Variants in GARS1 observed in about 807,000 individuals in gnomAD.
GARS1 encodes glycyl-tRNA synthetase 1.
Under a neutral mutation model 86.4 loss-of-function variants are expected in GARS1, and 46 were observed. That is an observed-to-expected ratio of 0.53 (90% CI 0.42 to 0.68). GARS1 has a LOEUF of 0.68. GARS1 is among the 30% of genes least tolerant of loss of function. The probability of loss-of-function intolerance (pLI) is 0.00; values close to 1 mark genes in which losing one functional copy is unlikely to be tolerated. For missense variants in GARS1, 797 were observed against 915.6 expected, an observed-to-expected ratio of 0.87 and a Z score of 1.67; for synonymous variants, 342 against 329.8, an observed-to-expected ratio of 1.04 and a Z score of -0.40.
rs930570579 is a variant in GARS1, at chr7:30,633,920, A to G, written c.*60A>G. 3.8e-6 allele frequency: 6 copies of G among 1,564,752 alleles called. No individual in the cohort carries two copies. In the Admixed American group the frequency reaches 1.1e-4, roughly 28 times the overall value. Reference sequence around the variant, plus strand: ...ATAAAAAAAAAAAAAAACTACTCTTATGTCCACTTTACAAAAGAAAACAGC... The same window carrying G: ...ATAAAAAAAAAAAAAAACTACTCTTGTGTCCACTTTACAAAAGAAAACAGC... On this transcript the variant is annotated 3_prime_UTR_variant, in exon 17 of 17. Transcript: ENST00000389266.
In GARS1 at chr7:30,617,416, A is replaced by G. The variant is rs76563658; in HGVS notation, c.1359+138A>G. 9.0e-3 allele frequency: 9,337 copies of G among 1,041,730 alleles called. 56 individuals carry two copies. The highest frequency in any genetic ancestry group is 0.019 in the Middle Eastern group (75 of 4,034). 64.5% of individuals were successfully genotyped at this position (1,041,730 alleles called of 1,614,324 possible). Reference sequence around the variant, plus strand: ...AGATCTTTTCCTGAGCAAAACAGAAAAAGCAGTTGCCTCCTGCCTTTTTAT... The same window carrying G: ...AGATCTTTTCCTGAGCAAAACAGAAGAAGCAGTTGCCTCCTGCCTTTTTAT... On this transcript the variant is annotated intron_variant, in intron 10 of 16. Transcript: ENST00000389266.
At chr7:30,606,099 C>T (rs528163613) in intron 6 of GARS1, among the ~76,000 whole-genome samples, 3 of 152,122 alleles carry the variant, frequency 2.0e-5, no homozygotes, top group South Asian at 2.1e-4. Context: ...AGTGAGGTTA[C>T]ACATGTTCAT....
At chr7:30,622,597 CT>C (rs1438602576) in intron 12 of GARS1, 135 bp downstream of exon 12, 3 of 1,040,936 alleles carry the variant, frequency 2.9e-6, no homozygotes, top group Non-Finnish European at 4.4e-6. Context: ...AAAAGACTGT[CT>C]TTGCCGAGAT....
chr7:30,627,713 C>G (rs1347586201), intron 13 of GARS1, among the ~76,000 whole-genome samples: 2 of 152,220 alleles, frequency 1.3e-5, no homozygotes, highest in Admixed American at 6.5e-5. Flanking sequence ...GTCCTGACCC[C>G]AGAACCTTGG....
At chr7:30,598,931 T>G in intron 2 of GARS1, 34 bp downstream of exon 2, 1 of 1,493,042 alleles carries the variant, frequency 6.7e-7, no homozygotes, top group Non-Finnish European at 9.3e-7. Flanking sequence ...GGAACATAAG[T>G]AGGTATAGGA....
chr7:30,626,283 A>T lies in GARS1; in HGVS notation c.1663A>T (p.Met555Leu), dbSNP rs1023871853. The change falls in exon 13 of 17, where the codon ATG (methionine) becomes TTG (leucine). Residue 555 changes from methionine (M) to leucine (L), a missense_variant. Around this residue, in one of 2 missense-constraint regions of GARS1, gnomAD observed 598 missense variants for 738.7 expected, o/e 0.81. Transcript: ENST00000389266. ...EGKTFQLTKD[M>L]INVKRFQKTL... is the part of the protein sequence containing the mutation. ...GAAAACATTTCAGTTAACAAAAGAC[A>T]TGATCAATGTGAAGAGATTCCAGAA... The T allele has an allele frequency of 6.2e-7, 1 of 1,606,904 alleles. No individual in the cohort carries two copies. The highest frequency in any genetic ancestry group is 2.2e-5 in the East Asian group (1 of 44,810).
At chr7:30,628,432 ACCTCAG>A (rs1783169001) in intron 13 of GARS1, 122 bp from the exon 14 acceptor site, 8 of 661,258 alleles carry the variant, frequency 1.2e-5, no homozygotes, top group Non-Finnish European at 2.3e-5. Context: ...TGATCCACCT[ACCTCAG>A]CCTCCCAAAA....
chr7:30,604,029 G>C (rs1417449043), intron 6 of GARS1, among the ~76,000 whole-genome samples: 1 of 152,016 alleles, frequency 6.6e-6, no homozygotes, highest in Non-Finnish European at 1.5e-5. Context: ...GCTTTTCTCA[G>C]TTTGCCTATA....
chr7:30,623,328 C>T (rs1037615211), intron 12 of GARS1, among the ~76,000 whole-genome samples: 7 of 152,168 alleles, frequency 4.6e-5, no homozygotes, highest in African/African-American at 9.6e-5. Context: ...TATAAATATG[C>T]TTCATGTACT....
intron 9 of GARS1, 44 bp from the exon 10 acceptor site, chr7:30,617,070 G>T: frequency 3.8e-6 from 6 of 1,599,070 alleles, no homozygotes; most frequent in Non-Finnish European, 5.1e-6. Flanking sequence ...GTATTAATGT[G>T]TGTTTTCTTT....
Position 30,603,067 on chromosome 7 carries a change from C to G in GARS1, c.603C>G (p.Phe201Leu). The G allele has an allele frequency of 6.2e-7, 1 of 1,613,868 alleles. No individual in the cohort carries two copies. Among genetic ancestry groups the G allele is most frequent in the South Asian group, 1.1e-5 (1 of 91,086 alleles). Residue 201 changes from phenylalanine to leucine, a missense_variant, in exon 5 of 17, where the codon TTC becomes TTG. This residue lies in a region of GARS1 where 598 missense variants were observed against 738.7 expected (regional missense o/e 0.81). Transcript: ENST00000389266. ...GCCATGTAGACAAATTTGCTGACTT[C>G]ATGGTGAAAGACGTAAAAAATGGAG... ...TSGHVDKFADFMVKDVKNGEC... is the reference protein window; with the variant it reads ...TSGHVDKFADLMVKDVKNGEC...
intron 7 of GARS1, among the ~76,000 whole-genome samples, chr7:30,610,688 A>G (rs915908224): frequency 1.3e-5 from 2 of 152,252 alleles, no homozygotes; most frequent in African/African-American, 2.4e-5. Context: ...ATTTCTGGGA[A>G]TTGATCTAAG....
At chr7:30,623,331 C>T (rs1300435202) in intron 12 of GARS1, among the ~76,000 whole-genome samples, 1 of 152,082 alleles carries the variant, frequency 6.6e-6, no homozygotes, top group African/African-American at 2.4e-5. Context: ...AAATATGCTT[C>T]ATGTACTCAA....
Position 30,631,431 on chromosome 7 carries a change from C to G in GARS1, c.1810-17C>G. On this transcript the variant is annotated splice_polypyrimidine_tract_variant and intron_variant, in intron 14 of 16. Coordinates refer to ENST00000389266, the MANE Select transcript of GARS1 (RefSeq NM_002047.4). The stretch of plus-strand genomic sequence containing the variant: ...CAAATTAACATATTTGGATTTTTTT[C>G]TTTTTAAATCATCCAGTTCTTCAGT... The G allele has an allele frequency of 6.3e-7, 1 of 1,593,176 alleles. No homozygotes were observed. The highest frequency in any genetic ancestry group is 8.6e-7 in the Non-Finnish European group (1 of 1,161,782).
At chr7:30,594,876 C>A, upstream of GARS1, 1 of 1,479,596 alleles carries the variant, frequency 6.8e-7, no homozygotes. Flanking sequence ...GCGGCGCGCG[C>A]CGCTTCCGTC....
At chr7:30,625,042 A>G (rs2128135503) in intron 12 of GARS1, among the ~76,000 whole-genome samples, 1 of 152,216 alleles carries the variant, frequency 6.6e-6, no homozygotes, top group Admixed American at 6.5e-5. Flanking sequence ...TCCCAGGTTC[A>G]AGCAATTCTC....
At chr7:30,603,938 C>T (rs566370644) in intron 6 of GARS1, among the ~76,000 whole-genome samples, 1 of 152,294 alleles carries the variant, frequency 6.6e-6, no homozygotes, top group East Asian at 1.9e-4. Context: ...TCACTGGCTA[C>T]TTGATCTGCC....
At chr7:30,603,218 A>G in intron 5 of GARS1, 96 bp downstream of exon 5, 1 of 1,041,844 alleles carries the variant, frequency 9.6e-7, no homozygotes, top group Non-Finnish European at 1.5e-6. Context: ...TTGAGGCATA[A>G]CATTCAAAGA....
intron 5 of GARS1, 143 bp downstream of exon 5, chr7:30,603,265 C>T: frequency 1.3e-6 from 1 of 759,664 alleles, no homozygotes; most frequent in Non-Finnish European, 2.2e-6. Context: ...AGATCAAGTC[C>T]TTTATTTTTT....
Sources: gnomAD v4.1 joint callset for allele counts (sites outside exome capture counted in the v4.1 genomes callset) on GRCh38, gnomAD v4.1.1 for gene constraint, gnomAD v4.1.1 regional missense constraint, MANE v1.5 for transcripts, NCBI Gene and HGNC (gene_info 2026-07-23, HGNC 2026-07-21) for gene names.